The following PDIA5 variants were observed in gnomAD, a reference collection of about 807,000 sequenced individuals.
PDIA5 encodes protein disulfide isomerase family A member 5, also known as protein disulfide-isomerase A5.
PDIA5 carries 58 observed loss-of-function variants against 77.6 expected under a neutral mutation model. The observed-to-expected ratio is 0.75, with a 90% confidence interval of 0.61 to 0.93. PDIA5 has a LOEUF of 0.93. Among genes scored for constraint, PDIA5 ranks in the 40% least tolerant of loss-of-function variants. PDIA5 has a pLI of 0.00. For missense variants in PDIA5, 630 were observed against 647.7 expected, an observed-to-expected ratio of 0.97 and a Z score of 0.30; for synonymous variants, 250 against 252.1, an observed-to-expected ratio of 0.99 and a Z score of 0.08.
At chr3:123,083,607 G>A (rs1254986658) in intron 1 of PDIA5, among the ~76,000 whole-genome samples, 1 of 152,314 alleles carries the variant, frequency 6.6e-6, no homozygotes, top group East Asian at 1.9e-4. Context: ...GAACAATGCC[G>A]TGGCTGGCAT....
chr3:123,100,639 G>T (rs1010353399), intron 3 of PDIA5, among the ~76,000 whole-genome samples: 1 of 152,210 alleles, frequency 6.6e-6, no homozygotes, highest in Non-Finnish European at 1.5e-5. Context: ...GGGGTGGAAG[G>T]GGGCAGGGAG....
intron 1 of PDIA5, among the ~76,000 whole-genome samples, chr3:123,087,453 G>T (rs1207005929): frequency 7.3e-6 from 1 of 137,628 alleles, no homozygotes; most frequent in Non-Finnish European, 1.6e-5. Flanking sequence ...TGATCTTTTT[G>T]TTGTATTTTC....
intron 8 of PDIA5, among the ~76,000 whole-genome samples, chr3:123,118,333 G>T (rs1171365859): frequency 1.3e-5 from 2 of 152,150 alleles, no homozygotes; most frequent in African/African-American, 4.8e-5. Flanking sequence ...CTGGAGAAAA[G>T]ACTTAATTAC....
intron 2 of PDIA5, among the ~76,000 whole-genome samples, chr3:123,090,198 T>C (rs1934247851): frequency 6.6e-6 from 1 of 152,190 alleles, no homozygotes. Flanking sequence ...CGGCTGCTGC[T>C]TCCCCTTCTG....
chr3:123,076,216 C>T (rs980863901), intron 1 of PDIA5, among the ~76,000 whole-genome samples: 1 of 152,100 alleles, frequency 6.6e-6, no homozygotes, highest in Non-Finnish European at 1.5e-5. Context: ...ACATTGACAG[C>T]CCAAGAGAAA....
chr3:123,114,732 G>A (rs1934952712), intron 7 of PDIA5, among the ~76,000 whole-genome samples: 1 of 152,212 alleles, frequency 6.6e-6, no homozygotes, highest in Admixed American at 6.5e-5. Flanking sequence ...GCCACTGATG[G>A]TGTTCGCACT....
intron 1 of PDIA5, among the ~76,000 whole-genome samples, chr3:123,071,358 T>A (rs918371005): frequency 3.9e-5 from 6 of 152,174 alleles, no homozygotes; most frequent in Admixed American, 6.5e-5. Flanking sequence ...CTGCCCCTGA[T>A]GGTCGCTTGA....
At chr3:123,083,222 GGGGTGCAGTGAA>G in intron 1 of PDIA5, among the ~76,000 whole-genome samples, 1 of 151,646 alleles carries the variant, frequency 6.6e-6, no homozygotes. Context: ...TGGGGGAGGG[GGGGTGCAGTGAA>G]GCTCTGTGAG....
intron 8 of PDIA5, among the ~76,000 whole-genome samples, chr3:123,119,694 C>T (rs1042437134): frequency 2.0e-5 from 3 of 152,212 alleles, no homozygotes; most frequent in Admixed American, 6.5e-5. Context: ...TGTCTTCACA[C>T]ACAGAAAAGA....
chr3:123,155,723 A>G (rs932969915), intron 15 of PDIA5, among the ~76,000 whole-genome samples: 42 of 152,230 alleles, frequency 2.8e-4, no homozygotes, highest in African/African-American at 9.9e-4. Context: ...CATTCCTCCC[A>G]GCCCTGAGAC....
Position 123,100,989 on chromosome 3 carries a change from A to T in PDIA5, c.258-1422A>T, listed in dbSNP as rs1364576671. 2.6e-5 allele frequency among the ~76,000 whole-genome samples: 4 copies of T among 152,292 alleles called. No homozygotes were observed. In the East Asian group the frequency reaches 7.7e-4, roughly 29 times the overall value. Reference sequence around the variant, plus strand: ...GACCAGTGGGCATTGGGTAGCCGAGATGCCCTTACTGAGTCCTTTCAGGGC... The same window carrying T: ...GACCAGTGGGCATTGGGTAGCCGAGTTGCCCTTACTGAGTCCTTTCAGGGC... On this transcript the variant is annotated intron_variant, in intron 3 of 16. Coordinates refer to ENST00000316218, the MANE Select transcript of PDIA5 (RefSeq NM_006810.4).
chr3:123,144,544 A>G (rs1935714911), intron 11 of PDIA5: 1 of 152,230 alleles, frequency 6.6e-6, no homozygotes, highest in Non-Finnish European at 1.5e-5. Context: ...TAATGCATCA[A>G]ATTTTATTAT....
rs1289953248 is a variant in PDIA5, at chr3:123,135,779, A to G, written c.910+5163A>G. ...TTTTTTTTTTTTTTTACTTTTTGGC[A>G]TCATTCTTGCTAGTCTTTTTCATTT... is the stretch of plus-strand genomic sequence containing the variant. On this transcript the variant is annotated intron_variant, in intron 11 of 16. Transcript: ENST00000316218. Among the ~76,000 whole-genome samples the G allele has an allele frequency of 1.1e-4, 8 of 71,912 alleles. No individual in the cohort carries two copies. In the South Asian group the frequency reaches 2.7e-3, roughly 24 times the overall value. 47.2% of individuals were successfully genotyped at this position (71,912 alleles called of 152,430 possible).
At chr3:123,117,108 C>A (rs117091290) in intron 8 of PDIA5, among the ~76,000 whole-genome samples, 1 of 151,862 alleles carries the variant, frequency 6.6e-6, no homozygotes, top group East Asian at 1.9e-4. Flanking sequence ...TGTGTTCCCC[C>A]ACCCTGCCAG....
At position 123,089,927 on chromosome 3, in the gene PDIA5, T is replaced by C. The variant is rs1009416022; in HGVS notation, c.169+633T>C. On this transcript the variant is annotated intron_variant, in intron 2 of 16. Coordinates refer to ENST00000316218, the MANE Select transcript of PDIA5 (RefSeq NM_006810.4). ...GATGGAGAGAGGTTTGCTTGGCTCT[T>C]GGCAGTGACTTTGGGGGAGGGTGAA... Among the ~76,000 whole-genome samples the C allele has an allele frequency of 3.3e-5, 5 of 152,238 alleles. No individual in the cohort carries two copies. In the South Asian group the frequency reaches 1.0e-3, roughly 32 times the overall value.
chr3:123,136,725 C>CAAAAAAAAAAAA (rs59022235), intron 11 of PDIA5, among the ~76,000 whole-genome samples: 1 of 71,530 alleles, frequency 1.4e-5, no homozygotes, highest in Non-Finnish European at 2.5e-5. Context: ...GGTGACAAGA[C>CAAAAAAAAAAAA]AAAAAAAAAA....
intron 13 of PDIA5, among the ~76,000 whole-genome samples, chr3:123,146,533 T>A (rs928168553): frequency 6.6e-6 from 1 of 152,164 alleles, no homozygotes; most frequent in African/African-American, 2.4e-5. Context: ...TAGGCCCAGA[T>A]CTTATTGTCT....
In PDIA5 at chr3:123,146,257, AAAGT is replaced by A. The variant is rs765527196; in HGVS notation, c.1142+3_1142+6del. ...AGAAGAAGTTTCTCGAGTGGATGCA[AAAGT>A]AAGTGTTACGATCTCAGTAGCACAT... is the stretch of plus-strand genomic sequence containing the variant. On this transcript the variant is annotated splice_donor_variant and coding_sequence_variant, in exon 13 of 17. Transcript: ENST00000316218. LOFTEE classifies it high-confidence loss of function. The A allele has an allele frequency of 8.1e-6, 13 of 1,613,730 alleles. No individual in the cohort carries two copies. Among genetic ancestry groups the A allele is most frequent in the African/African-American group, 1.3e-5 (1 of 75,034 alleles).
rs559131530 is a variant in PDIA5, at chr3:123,095,673, C to T, written c.257+3231C>T. Among the ~76,000 whole-genome samples the T allele has an allele frequency of 1.4e-3, 213 of 149,784 alleles. 1 individual carries two copies. The highest frequency in any genetic ancestry group is 4.9e-3 in the African/African-American group (200 of 40,422). Reference sequence around the variant, plus strand: ...CTGAGGCAGGAGAATCACTTGAACCCAGGAGGTGGAGGTTGCAGTGAGCCG... The same window carrying T: ...CTGAGGCAGGAGAATCACTTGAACCTAGGAGGTGGAGGTTGCAGTGAGCCG... On this transcript the variant is annotated intron_variant, in intron 3 of 16. Coordinates refer to ENST00000316218, the MANE Select transcript of PDIA5 (RefSeq NM_006810.4).
Sources: gnomAD v4.1 joint callset for allele counts (sites outside exome capture counted in the v4.1 genomes callset) on GRCh38, gnomAD v4.1.1 for gene constraint, MANE v1.5 for transcripts, NCBI Gene and HGNC (gene_info 2026-07-23, HGNC 2026-07-21) for gene names.